The following CRHR1 variants were observed in gnomAD, a reference collection of about 807,000 sequenced individuals.
CRHR1 encodes the protein corticotropin-releasing hormone receptor 1.
In CRHR1, 28 loss-of-function variants were observed where a neutral mutation model predicts 56.0. The observed-to-expected ratio is 0.50, with a 90% CI of 0.37 to 0.69. The LOEUF (loss-of-function observed/expected upper bound fraction) is 0.69, where lower values mean the gene tolerates loss of function less well. Ranked by LOEUF, CRHR1 falls within the 30% of genes least tolerant of loss-of-function variation. CRHR1 has a pLI of 0.00. For synonymous variants in CRHR1, 195 were observed against 216.5 expected (o/e 0.90, Z 0.87); for missense variants, 376 against 548.0 (o/e 0.69, Z 3.13).
At chr17:45,788,940 C>T (rs1254331339) in intron 1 of CRHR1, among the ~76,000 whole-genome samples, 3 of 152,162 alleles carry the variant, frequency 2.0e-5, no homozygotes, top group Admixed American at 1.3e-4. Context: ...GATGCTTAAA[C>T]CACCCTAGCA....
chr17:45,833,907 G>T, intron 11 of CRHR1, 58 bp downstream of exon 11: 1 of 1,612,524 alleles, frequency 6.2e-7, no homozygotes, highest in South Asian at 1.1e-5. Flanking sequence ...GCCAAGCAGA[G>T]GCCTGGAGGG....
intron 4 of CRHR1, among the ~76,000 whole-genome samples, chr17:45,825,184 G>A (rs1450038515): frequency 2.0e-5 from 3 of 152,182 alleles, no homozygotes; most frequent in Non-Finnish European, 2.9e-5. Context: ...TAATGGATTC[G>A]CAGAAGTCTG....
intron 1 of CRHR1, among the ~76,000 whole-genome samples, chr17:45,786,211 A>C (rs1420966819): frequency 6.7e-6 from 1 of 149,696 alleles, no homozygotes; most frequent in Non-Finnish European, 1.5e-5. Context: ...ATCTCTGTTT[A>C]GAATGATCAT....
rs971431404 is a variant in CRHR1, at chr17:45,833,629, C to T, written c.930-85C>T. On this transcript the variant is annotated intron_variant, in intron 10 of 12. Coordinates refer to ENST00000314537, the MANE Select transcript of CRHR1 (RefSeq NM_004382.5). Reference sequence around the variant, plus strand: ...GCCAGAGACCTGCCACTCCCTCCCCCGACCTGGCCCTCTTTGCCGAGCCAG... The same window carrying T: ...GCCAGAGACCTGCCACTCCCTCCCCTGACCTGGCCCTCTTTGCCGAGCCAG... The T allele has an allele frequency of 4.4e-5, 70 of 1,596,370 alleles. 1 individual carries two copies. Among genetic ancestry groups the T allele is most frequent in the African/African-American group, 3.7e-4 (28 of 74,674 alleles).
chr17:45,833,693 T>TGGGGGGGGGGGGCCCCCCCCCCCCC, intron 10 of CRHR1, 21 bp from the exon 11 acceptor site: 1 of 1,571,618 alleles, frequency 6.4e-7, no homozygotes, highest in Non-Finnish European at 8.7e-7. Flanking sequence ...ACTCCGAGCC[T>TGGGGGGGGGGGGCCCCCCCCCCCCC]CCCCACCCGC....
At chr17:45,830,717 T>G in intron 7 of CRHR1, 147 bp downstream of exon 7, 1 of 1,223,606 alleles carries the variant, frequency 8.2e-7, no homozygotes, top group East Asian at 2.5e-5. Flanking sequence ...TCTGCTCCTC[T>G]TGGGGGTGGG....
intron 2 of CRHR1, among the ~76,000 whole-genome samples, chr17:45,810,648 GC>G (rs1008710457): frequency 3.3e-5 from 5 of 152,134 alleles, no homozygotes; most frequent in African/African-American, 1.2e-4. Context: ...TTTGCACACG[GC>G]CCCATATTCT....
chr17:45,832,643 C>T (rs894953354), intron 8 of CRHR1, among the ~76,000 whole-genome samples: 3 of 152,156 alleles, frequency 2.0e-5, no homozygotes, highest in African/African-American at 7.2e-5. Flanking sequence ...CAATTACCTC[C>T]TGCAGCAGGT....
chr17:45,806,429 G>A (rs781605096), intron 1 of CRHR1, among the ~76,000 whole-genome samples: 4 of 152,188 alleles, frequency 2.6e-5, no homozygotes, highest in African/African-American at 4.8e-5. Context: ...TTAGTGTCAC[G>A]GCAGATGTAC....
In CRHR1 at chr17:45,784,346, G is replaced by A; in HGVS notation, c.-199G>A. On this transcript the variant is annotated 5_prime_UTR_variant, in exon 1 of 13. Coordinates refer to ENST00000314537, the MANE Select transcript of CRHR1 (RefSeq NM_004382.5). The surrounding 1 kb of genome is among the most constrained non-coding windows in gnomAD (Gnocchi z 4.2). ...GGAAACGGCGGCCAGACTTCCCCGG[G>A]AAGGGGCGAGCGAGAGCCGGGCCGG... The A allele has an allele frequency of 3.1e-6, 1 of 320,698 alleles. No individual in the cohort carries two copies. Among genetic ancestry groups the A allele is most frequent in the Non-Finnish European group, 5.5e-6 (1 of 181,322 alleles). 19.9% of individuals were successfully genotyped at this position (320,698 alleles called of 1,614,324 possible). A position where few individuals can be genotyped will look rare whatever the true frequency, so the allele number is the denominator to read the frequency against.
chr17:45,796,940 C>T (rs1598402372), intron 1 of CRHR1, among the ~76,000 whole-genome samples: 1 of 152,234 alleles, frequency 6.6e-6, no homozygotes, highest in Admixed American at 6.5e-5. Context: ...GCAAATCATA[C>T]AAAGACGGGG....
chr17:45,829,695 G>C, intron 5 of CRHR1: 1 of 1,513,624 alleles, frequency 6.6e-7, no homozygotes. Context: ...GGCAGAGCCG[G>C]GGATGGGGAT....
At chr17:45,821,485 G>A in intron 4 of CRHR1, 45 bp downstream of exon 4, 2 of 1,567,796 alleles carry the variant, frequency 1.3e-6, no homozygotes, top group Middle Eastern at 1.7e-4. Context: ...GGGGAGTCCA[G>A]GGTCCCCAGC....
intron 1 of CRHR1, among the ~76,000 whole-genome samples, chr17:45,793,969 C>A (rs1477854353): frequency 6.6e-6 from 1 of 152,184 alleles, no homozygotes; most frequent in Non-Finnish European, 1.5e-5. Context: ...GGGTGGGAGT[C>A]CCACCCCAGG....
intron 1 of CRHR1, among the ~76,000 whole-genome samples, chr17:45,785,141 T>C (rs909134625): frequency 1.3e-5 from 2 of 152,176 alleles, no homozygotes; most frequent in Non-Finnish European, 2.9e-5. Flanking sequence ...ACGGTGCCTC[T>C]GGCGGCAGTT....
intron 1 of CRHR1, among the ~76,000 whole-genome samples, chr17:45,805,110 GATA>G (rs1375613244): frequency 6.6e-6 from 1 of 152,026 alleles, no homozygotes; most frequent in African/African-American, 2.4e-5. Context: ...GGCCATGATA[GATA>G]ATATTTTAAT....
intron 6 of CRHR1, 77 bp downstream of exon 6, chr17:45,830,291 G>A (rs2062270588): frequency 6.2e-7 from 1 of 1,601,904 alleles, no homozygotes; most frequent in Non-Finnish European, 8.5e-7. Flanking sequence ...CCCTGCAGAG[G>A]AGGAGCCCAC....
chr17:45,817,757 C>G (rs1376093913), intron 3 of CRHR1, among the ~76,000 whole-genome samples: 1 of 152,164 alleles, frequency 6.6e-6, no homozygotes, highest in African/African-American at 2.4e-5. Context: ...GTGTCTGTAC[C>G]ATGTCCTGGC....
chr17:45,785,364 G>A (rs2061317333), intron 1 of CRHR1, among the ~76,000 whole-genome samples: 1 of 152,256 alleles, frequency 6.6e-6, no homozygotes, highest in African/African-American at 2.4e-5. Context: ...CGGGAGGCCG[G>A]CAGTCCGGCC....
Sources: gnomAD v4.1 joint callset for allele counts (sites outside exome capture counted in the v4.1 genomes callset) on GRCh38, gnomAD v4.1.1 for gene constraint, Gnocchi (gnomAD v3.1) non-coding constraint, MANE v1.5 for transcripts, NCBI Gene and HGNC (gene_info 2026-07-23, HGNC 2026-07-21) for gene names.